The following PGM2L1 variants were observed in gnomAD, a reference collection of about 807,000 sequenced individuals.
PGM2L1 encodes glucose 1,6-bisphosphate synthase.
In PGM2L1, 35 loss-of-function variants were observed where a neutral mutation model predicts 73.4. The observed-to-expected ratio is 0.48, with a 90% confidence interval of 0.36 to 0.63. The LOEUF is 0.63. Ranked by LOEUF, PGM2L1 falls within the 30% of genes least tolerant of loss-of-function variation. PGM2L1 has a pLI of 0.00. For synonymous variants in PGM2L1, 225 were observed against 253.8 expected (o/e 0.89, Z 1.08); for missense variants, 570 against 742.0 (o/e 0.77, Z 2.69).
intron 5 of PGM2L1, among the ~76,000 whole-genome samples, chr11:74,361,992 G>T (rs1390688090): frequency 6.6e-6 from 1 of 152,182 alleles, no homozygotes; most frequent in Admixed American, 6.5e-5. Flanking sequence ...TTATCCAGGA[G>T]AACTTCTCCA....
intron 1 of PGM2L1, among the ~76,000 whole-genome samples, chr11:74,386,687 G>C (rs1591191753): frequency 6.6e-6 from 1 of 151,970 alleles, no homozygotes; most frequent in Non-Finnish European, 1.5e-5. Flanking sequence ...ATTTTGCCCA[G>C]GCTGGTCTCA....
rs184470864 is a variant in PGM2L1 at position 74,354,552 on chromosome 11, G to A, written c.556-2976C>T. 271 of 1,175,136 alleles carry A rather than the reference G, an allele frequency of 2.3e-4. No homozygotes were observed. The African/African-American group carries it at 2.7e-3, about 12-fold the overall frequency. The allele number at this position is 1,175,136 out of a possible 1,614,324, so 72.8% of individuals were successfully genotyped here. On this transcript the variant is annotated intron_variant, in intron 5 of 13. Coordinates refer to ENST00000298198, the MANE Select transcript of PGM2L1 (RefSeq NM_173582.6). ...AGCCTGAGGAGCCATTTTGAGCAAT[G>A]GGAATGCTCACGAACTGTGTGGTAA...
chr11:74,396,475 C>T (rs558175951), intron 1 of PGM2L1, among the ~76,000 whole-genome samples: 2 of 151,838 alleles, frequency 1.3e-5, no homozygotes, highest in Admixed American at 1.3e-4. Flanking sequence ...AGTGCAGTGG[C>T]GCGATCTCCG....
chr11:74,397,384 A>G (rs1377277087), intron 1 of PGM2L1, among the ~76,000 whole-genome samples: 2 of 152,186 alleles, frequency 1.3e-5, no homozygotes, highest in African/African-American at 4.8e-5. Flanking sequence ...AGGTGTTGGT[A>G]GAGAAGTAAT....
chr11:74,375,261 A>G (rs1418701612), intron 1 of PGM2L1, among the ~76,000 whole-genome samples: 1 of 152,230 alleles, frequency 6.6e-6, no homozygotes, highest in African/African-American at 2.4e-5. Flanking sequence ...TTTGTGAGGC[A>G]GTGCATGCCA....
chr11:74,343,190 A>G (rs1565434830), intron 10 of PGM2L1, 133 bp downstream of exon 10: 26 of 1,321,332 alleles, frequency 2.0e-5, no homozygotes, highest in East Asian at 1.0e-4. Flanking sequence ...TAAGAAATGT[A>G]TCTACATATT....
chr11:74,354,008 GA>G (rs946951353), intron 5 of PGM2L1, among the ~76,000 whole-genome samples: 1 of 151,546 alleles, frequency 6.6e-6, no homozygotes, highest in Admixed American at 6.6e-5. Flanking sequence ...TAAAACATAA[GA>G]AAAAAAATCC....
intron 6 of PGM2L1, among the ~76,000 whole-genome samples, chr11:74,350,188 G>A (rs181558620): frequency 1.3e-5 from 2 of 152,118 alleles, no homozygotes; most frequent in Admixed American, 6.5e-5. Flanking sequence ...TATTTTAGAC[G>A]GAGAAGCAAA....
At chr11:74,369,379 A>G (rs1219228079) in intron 4 of PGM2L1, among the ~76,000 whole-genome samples, 2 of 137,414 alleles carry the variant, frequency 1.5e-5, no homozygotes, top group African/African-American at 7.2e-5. Flanking sequence ...ATTTGAATTA[A>G]ACATAAATGG....
intron 5 of PGM2L1, among the ~76,000 whole-genome samples, chr11:74,362,825 TCAA>T (rs1862587231): frequency 1.3e-5 from 2 of 152,134 alleles, no homozygotes; most frequent in Admixed American, 6.5e-5. Context: ...ATTAGACAGA[TCAA>T]CGAGACAGAA....
At chr11:74,384,878 G>A (rs370107658) in intron 1 of PGM2L1, among the ~76,000 whole-genome samples, 5 of 152,122 alleles carry the variant, frequency 3.3e-5, no homozygotes, top group Admixed American at 1.3e-4. Context: ...GTCTCCACCC[G>A]CAATAGGGCC....
At chr11:74,372,169 G>C (rs1862774242) in intron 2 of PGM2L1, among the ~76,000 whole-genome samples, 1 of 151,244 alleles carries the variant, frequency 6.6e-6, no homozygotes, top group African/African-American at 2.4e-5. Context: ...ACATAAAATT[G>C]TTTCTTGTCT....
intron 13 of PGM2L1, among the ~76,000 whole-genome samples, chr11:74,337,670 C>G (rs566407277): frequency 1.3e-5 from 2 of 152,228 alleles, no homozygotes; most frequent in East Asian, 3.9e-4. Context: ...TATGTCAAGT[C>G]ATATTAGACA....
intron 5 of PGM2L1, chr11:74,355,660 T>A (rs1862439060): frequency 2.0e-6 from 1 of 501,726 alleles, no homozygotes; most frequent in Admixed American, 2.0e-5. Flanking sequence ...TTACTAATTA[T>A]GAAACCAAGG....
chr11:74,337,073 G>A (rs1031070297), intron 13 of PGM2L1, among the ~76,000 whole-genome samples: 1 of 152,110 alleles, frequency 6.6e-6, no homozygotes, highest in Non-Finnish European at 1.5e-5. Flanking sequence ...AATACCAGGT[G>A]TTAGGAGAAA....
intron 6 of PGM2L1, among the ~76,000 whole-genome samples, chr11:74,349,960 C>T (rs10793075): frequency 0.54 from 82,433 of 151,938 alleles, 24,630 homozygotes; most frequent in East Asian, 0.8. Flanking sequence ...ACTAGAAATA[C>T]ATAGTCAATA....
chr11:74,339,435 T>C (rs1341864543), intron 12 of PGM2L1, among the ~76,000 whole-genome samples: 1 of 152,150 alleles, frequency 6.6e-6, no homozygotes, highest in African/African-American at 2.4e-5. Context: ...TTGACACTGG[T>C]ACCTTTCCTC....
intron 1 of PGM2L1, among the ~76,000 whole-genome samples, chr11:74,387,841 C>G (rs1008628049): frequency 1.3e-5 from 2 of 152,136 alleles, no homozygotes; most frequent in Non-Finnish European, 2.9e-5. Context: ...ACTAATAATA[C>G]AGATAAAGCT....
rs1197496056 is a variant in PGM2L1, at chr11:74,333,365, A to G, written c.*3287T>C. ...TTTCTTACTTTGAACCCTTCAATAA[A>G]AGACTCAATAAAGCTTTATTAGCAA... On this transcript the variant is annotated 3_prime_UTR_variant, in exon 14 of 14. Transcript: ENST00000298198. The G allele has an allele frequency of 1.3e-5, 2 of 152,206 alleles. No homozygotes were observed. Among genetic ancestry groups the G allele is most frequent in the Non-Finnish European group, 2.9e-5 (2 of 68,030 alleles). 9.4% of individuals were successfully genotyped at this position (152,206 alleles called of 1,614,324 possible).
Sources: allele counts gnomAD v4.1 joint callset (sites outside exome capture counted in the v4.1 genomes callset), GRCh38; gene constraint gnomAD v4.1.1; transcripts MANE v1.5; gene names NCBI Gene and HGNC (gene_info 2026-07-23, HGNC 2026-07-21).